Variants in TMEM62 observed in about 807,000 individuals in gnomAD.
The protein encoded by TMEM62 is transmembrane protein 62.
TMEM62 carries 41 observed loss-of-function variants against 70.4 expected under a neutral mutation model. The ratio of observed to expected loss-of-function variants is 0.58; its 90% CI spans 0.45 to 0.76. TMEM62 has a LOEUF of 0.76. TMEM62 is among the 30% of genes least tolerant of loss of function. The pLI is 0.00. For missense variants in TMEM62, 688 were observed against 788.5 expected (o/e 0.87, Z 1.53); for synonymous variants, 268 against 291.0 (o/e 0.92, Z 0.80).
chr15:43,144,318 T>G (rs1012476247), intron 4 of TMEM62, among the ~76,000 whole-genome samples: 1 of 152,214 alleles, frequency 6.6e-6, no homozygotes, highest in Non-Finnish European at 1.5e-5. Flanking sequence ...TGAGGACTAG[T>G]ATGACACTGG....
chr15:43,169,903 A>G (rs1274150335), intron 11 of TMEM62: 1 of 411,616 alleles, frequency 2.4e-6, no homozygotes, highest in South Asian at 4.5e-5. Context: ...AAAGCAATAC[A>G]TGGAAGGTAT....
chr15:43,160,183 G>A (rs1390894602), intron 9 of TMEM62: 1 of 152,016 alleles, frequency 6.6e-6, no homozygotes, highest in African/African-American at 2.4e-5. Context: ...TGGCCAGGGT[G>A]GTCTTGAACG....
intron 7 of TMEM62, among the ~76,000 whole-genome samples, chr15:43,149,847 T>C (rs2037151618): frequency 6.6e-6 from 1 of 152,232 alleles, no homozygotes; most frequent in African/African-American, 2.4e-5. Context: ...TGTTACAAGA[T>C]GGTAGTGATT....
intron 10 of TMEM62, 102 bp from the exon 11 acceptor site, chr15:43,169,491 T>G (rs1326048691): frequency 1.0e-6 from 1 of 966,740 alleles, no homozygotes; most frequent in African/African-American, 1.6e-5. Context: ...TATCACAGTA[T>G]CACAGATGCC....
chr15:43,178,584 T>C (rs1309297205), intron 11 of TMEM62, 23 bp from the exon 12 acceptor site: 2 of 1,503,380 alleles, frequency 1.3e-6, no homozygotes, highest in African/African-American at 1.4e-5. Context: ...GTTCACTGGG[T>C]TTTTCAACTT....
At chr15:43,140,176 G>A (rs1365894631) in intron 4 of TMEM62, among the ~76,000 whole-genome samples, 1 of 152,038 alleles carries the variant, frequency 6.6e-6, no homozygotes, top group African/African-American at 2.4e-5. Context: ...TAGATTTTGC[G>A]CGCCAACCCC....
intron 13 of TMEM62, 112 bp from the exon 14 acceptor site, chr15:43,184,148 A>C (rs2041662783): frequency 2.1e-6 from 2 of 938,548 alleles, no homozygotes; most frequent in African/African-American, 3.3e-5. Flanking sequence ...GAAGTAAATT[A>C]GCTAACGCCA....
intron 7 of TMEM62, among the ~76,000 whole-genome samples, chr15:43,151,411 CATT>C (rs1339216904): frequency 1.3e-5 from 2 of 151,292 alleles, no homozygotes; most frequent in East Asian, 3.9e-4. Flanking sequence ...TTTTATGTAG[CATT>C]GTTGATGGGA....
rs562914614 is a variant in TMEM62, at chr15:43,156,573, C to A, written c.1182+1742C>A. Among the ~76,000 whole-genome samples the A allele has an allele frequency of 3.9e-5, 6 of 152,052 alleles. No homozygotes were observed. The South Asian group carries it at 1.2e-3, about 32-fold the overall frequency. ...CTACAGTCTGGAGTGCCTCAGAACC[C>A]CAGTGTATTATTTTCTTAATAAGAT... On this transcript the variant is annotated intron_variant, in intron 9 of 13. Coordinates refer to ENST00000260403, the MANE Select transcript of TMEM62 (RefSeq NM_024956.4).
At chr15:43,172,194 G>T (rs2040265894) in intron 11 of TMEM62, among the ~76,000 whole-genome samples, 2 of 152,116 alleles carry the variant, frequency 1.3e-5, no homozygotes, top group African/African-American at 4.8e-5. Flanking sequence ...ACTTAGAAAT[G>T]ACTCAGACAT....
intron 4 of TMEM62, among the ~76,000 whole-genome samples, chr15:43,143,511 A>G (rs1270656228): frequency 6.6e-6 from 1 of 152,216 alleles, no homozygotes; most frequent in Non-Finnish European, 1.5e-5. Flanking sequence ...GGTACTTTTA[A>G]TATTCCACAC....
At chr15:43,165,661 A>T (rs1233580373) in intron 10 of TMEM62, among the ~76,000 whole-genome samples, 1 of 152,064 alleles carries the variant, frequency 6.6e-6, no homozygotes, top group Admixed American at 6.6e-5. Flanking sequence ...TGAACCCAGG[A>T]GGCGGAGCTT....
chr15:43,167,197 G>T (rs1172881840), intron 10 of TMEM62, among the ~76,000 whole-genome samples: 3 of 151,196 alleles, frequency 2.0e-5, no homozygotes, highest in African/African-American at 7.3e-5. Context: ...GGACGGGTCG[G>T]CTGGCCGGGC....
In TMEM62 at chr15:43,133,831, T is replaced by G. The variant is rs1269864588; in HGVS notation, c.29T>G (p.Val10Gly). ...GCTGCAGTGCTGGCTCTCAGGGTGG[T>G]CGCGGGGTTGGCGGCCGCAGCGCTG... The part of the protein sequence containing the change: MAAVLALRV[V>G]AGLAAAALVA... Residue 10 changes from valine (V) to glycine (G), a missense_variant, in exon 1 of 14, where the codon GTC becomes GGC. Coordinates refer to ENST00000260403, the MANE Select transcript of TMEM62 (RefSeq NM_024956.4). The G allele has an allele frequency of 6.9e-7, 1 of 1,453,702 alleles. No individual in the cohort carries two copies. Among genetic ancestry groups the G allele is most frequent in the Non-Finnish European group, 9.0e-7 (1 of 1,110,234 alleles). 90.1% of individuals were successfully genotyped at this position (1,453,702 alleles called of 1,614,324 possible).
intron 8 of TMEM62, among the ~76,000 whole-genome samples, chr15:43,153,705 T>C (rs759269905): frequency 3.3e-5 from 5 of 152,124 alleles, no homozygotes; most frequent in Non-Finnish European, 5.9e-5. Flanking sequence ...CACATATGTA[T>C]ACACACATAC....
intron 2 of TMEM62, among the ~76,000 whole-genome samples, chr15:43,135,204 T>C (rs1384693819): frequency 6.6e-6 from 1 of 152,260 alleles, no homozygotes; most frequent in African/African-American, 2.4e-5. Context: ...TTATAAATCA[T>C]TTTCATTTTA....
chr15:43,176,118 G>A (rs1407465845), intron 11 of TMEM62, among the ~76,000 whole-genome samples: 1 of 152,258 alleles, frequency 6.6e-6, no homozygotes, highest in Admixed American at 6.5e-5. Context: ...CAAGGCAGCA[G>A]TGAGGCTGGG....
At chr15:43,181,027 CAG>C (rs1186412655) in intron 12 of TMEM62, 152 bp from the exon 13 acceptor site, 2 of 644,022 alleles carry the variant, frequency 3.1e-6, no homozygotes, top group Non-Finnish European at 5.6e-6. Context: ...AAGTACAACA[CAG>C]AGACTAGCAA....
chr15:43,135,682 A>G (rs759311154), intron 3 of TMEM62, 33 bp downstream of exon 3: 1 of 1,543,658 alleles, frequency 6.5e-7, no homozygotes, highest in Admixed American at 2.4e-5. Context: ...AATAAAGACA[A>G]GAGTTTTTTT....
Sources: gnomAD v4.1 joint callset for allele counts (sites outside exome capture counted in the v4.1 genomes callset) on GRCh38, gnomAD v4.1.1 for gene constraint, MANE v1.5 for transcripts, NCBI Gene and HGNC (gene_info 2026-07-23, HGNC 2026-07-21) for gene names.